Variants in RAB3IP observed in about 807,000 individuals in gnomAD.
RAB3IP encodes RAB3A interacting protein.
A neutral mutation model predicts 59.1 loss-of-function variants in RAB3IP; 36 were observed. That is an observed-to-expected ratio of 0.61 (90% CI 0.47 to 0.80). The LOEUF is 0.80. Ranked by LOEUF, RAB3IP falls within the 30% of genes least tolerant of loss-of-function variation. RAB3IP has a pLI of 0.00. For synonymous variants in RAB3IP, 207 were observed against 191.2 expected (o/e 1.08, Z -0.68); for missense variants, 511 against 536.0 (o/e 0.95, Z 0.46).
intron 5 of RAB3IP, 81 bp from the exon 6 acceptor site, chr12:69,795,057 GTGT>G: frequency 1.1e-6 from 1 of 936,328 alleles, no homozygotes; most frequent in Non-Finnish European, 1.6e-6. Context: ...ATCTTTGAAA[GTGT>G]TTTGACCAGA....
intron 1 of RAB3IP, among the ~76,000 whole-genome samples, chr12:69,743,565 C>T (rs1887550894): frequency 6.6e-6 from 1 of 152,112 alleles, no homozygotes; most frequent in Non-Finnish European, 1.5e-5. Flanking sequence ...TTGATTTTCT[C>T]AAATGTAGGC....
intron 4 of RAB3IP, among the ~76,000 whole-genome samples, chr12:69,787,867 T>C (rs1875953468): frequency 6.6e-6 from 1 of 152,290 alleles, no homozygotes; most frequent in East Asian, 1.9e-4. Flanking sequence ...TATGAACATA[T>C]ATGTGTATTT....
At chr12:69,791,647 AT>A (rs1475392393) in intron 4 of RAB3IP, among the ~76,000 whole-genome samples, 1 of 152,212 alleles carries the variant, frequency 6.6e-6, no homozygotes, top group African/African-American at 2.4e-5. Flanking sequence ...AATGGCTATT[AT>A]CAAAATACAA....
rs1309713876 is a variant in RAB3IP, at chr12:69,800,247, G to A, written c.927G>A (p.Lys309=). The A allele has an allele frequency of 1.3e-6, 2 of 1,577,232 alleles. No homozygotes were observed. Among genetic ancestry groups the A allele is most frequent in the Non-Finnish European group, 1.7e-6 (2 of 1,164,624 alleles). ...LSLYNEFRLW[K]DEPTMDRTCP... is the part of the protein sequence containing the mutation. ...TGTATAATGAATTCCGATTGTGGAA[G>A]GATGAGCCCACAATGGACAGGACGT... The change falls in exon 7 of 11, where the codon AAG becomes AAA. Residue 309 remains lysine, a synonymous_variant. Coordinates refer to ENST00000247833, the MANE Select transcript of RAB3IP (RefSeq NM_022456.5).
intron 8 of RAB3IP, among the ~76,000 whole-genome samples, chr12:69,807,082 G>A (rs1030334676): frequency 3.3e-5 from 5 of 152,132 alleles, no homozygotes; most frequent in East Asian, 3.9e-4. Flanking sequence ...TGTTCTCGAC[G>A]GTCGCTGTCT....
intron 6 of RAB3IP, among the ~76,000 whole-genome samples, chr12:69,797,778 G>T (rs1390622229): frequency 8.6e-5 from 13 of 151,534 alleles, no homozygotes; most frequent in Non-Finnish European, 1.3e-4. Flanking sequence ...ATGGTGTTTG[G>T]TTTTTTGTTC....
rs528027349 is a variant in RAB3IP at position 69,753,899 on chromosome 12, G to T, written c.-25-1485G>T. Among the ~76,000 whole-genome samples the T allele has an allele frequency of 9.9e-5, 15 of 152,264 alleles. No homozygotes were observed. The East Asian group carries it at 2.5e-3, about 26-fold the overall frequency. On this transcript the variant is annotated intron_variant, in intron 1 of 10. Coordinates refer to ENST00000247833, the MANE Select transcript of RAB3IP (RefSeq NM_022456.5). ...TCAAGTTAGTTTCCATGTAAACTTT[G>T]TGATATAATTGAATAGTTACATGAA...
At chr12:69,805,223 A>G (rs967202005) in intron 8 of RAB3IP, among the ~76,000 whole-genome samples, 34 of 152,078 alleles carry the variant, frequency 2.2e-4, no homozygotes, top group African/African-American at 4.8e-4. Flanking sequence ...TCCCTTGTAA[A>G]TTGGATTCCT....
chr12:69,757,667 C>T (rs1453271894), intron 3 of RAB3IP, among the ~76,000 whole-genome samples: 3 of 152,188 alleles, frequency 2.0e-5, no homozygotes, highest in Non-Finnish European at 2.9e-5. Context: ...TGTATTCCCA[C>T]TCTTTCCCTA....
intron 3 of RAB3IP, among the ~76,000 whole-genome samples, chr12:69,762,670 T>C (rs920380433): frequency 7.4e-6 from 1 of 134,374 alleles, no homozygotes; most frequent in Non-Finnish European, 1.5e-5. Flanking sequence ...GGCAGGAGAC[T>C]GGCGTGAACC....
Position 69,795,271 on chromosome 12 carries a change from G to A in RAB3IP, c.815G>A (p.Ser272Asn). ...AAAAAGGGGCATACAAGAAATAAAA[G>A]CACAAGCAGTGCTATGAGTGGCAGT... is the stretch of plus-strand genomic sequence containing the variant. ...PFKKGHTRNKSTSSAMSGSHQ... is the reference protein window; with the variant it reads ...PFKKGHTRNKNTSSAMSGSHQ... The change falls in exon 6 of 11, where the codon AGC (serine) becomes AAC (asparagine). Residue 272 changes from serine (S) to asparagine (N), a missense_variant. Transcript: ENST00000247833. 1 of 1,614,074 alleles carries A rather than the reference G, an allele frequency of 6.2e-7. No homozygotes were observed. Among genetic ancestry groups the A allele is most frequent in the Non-Finnish European group, 8.5e-7 (1 of 1,179,982 alleles).
intron 10 of RAB3IP, among the ~76,000 whole-genome samples, chr12:69,814,657 G>T (rs1880920120): frequency 6.6e-6 from 1 of 151,836 alleles, no homozygotes; most frequent in South Asian, 2.1e-4. Context: ...GGAGTGGCCA[G>T]GGAATGAGGA....
At chr12:69,768,737 G>A (rs1244354734) in intron 3 of RAB3IP, among the ~76,000 whole-genome samples, 1 of 152,140 alleles carries the variant, frequency 6.6e-6, no homozygotes, top group Non-Finnish European at 1.5e-5. Flanking sequence ...CTGTGACAGG[G>A]AAGAGTACAA....
intron 3 of RAB3IP, among the ~76,000 whole-genome samples, chr12:69,769,449 C>T (rs1592509241): frequency 6.6e-6 from 1 of 152,222 alleles, no homozygotes; most frequent in Non-Finnish European, 1.5e-5. Flanking sequence ...CTGCCTCTCT[C>T]ACCTACTGGG....
In RAB3IP at chr12:69,794,433, T is replaced by C; in HGVS notation, c.607-4T>C. The C allele has an allele frequency of 6.2e-7, 1 of 1,607,698 alleles. No individual in the cohort carries two copies. Among genetic ancestry groups the C allele is most frequent in the Non-Finnish European group, 8.5e-7 (1 of 1,177,508 alleles). ...TCTAAAATTTGAGATGTTAACTTTT[T>C]CAGGAAGCTCATAAAATGGTGAGAG... is the stretch of plus-strand genomic sequence containing the variant. On this transcript the variant is annotated splice_polypyrimidine_tract_variant and splice_region_variant and intron_variant, in intron 4 of 10. Coordinates refer to ENST00000247833, the MANE Select transcript of RAB3IP (RefSeq NM_022456.5).
intron 1 of RAB3IP, among the ~76,000 whole-genome samples, chr12:69,747,362 G>C (rs1432588899): frequency 3.3e-5 from 5 of 150,952 alleles, no homozygotes; most frequent in Non-Finnish European, 5.9e-5. Flanking sequence ...ATCTTTCTCT[G>C]TTGCTCAGGC....
rs746734845 is a variant in RAB3IP at position 69,755,652 on chromosome 12, A to C, written c.244A>C (p.Ser82Arg). 1.2e-6 allele frequency: 2 copies of C among 1,609,216 alleles called. No homozygotes were observed. The highest frequency in any genetic ancestry group is 4.5e-5 in the East Asian group (2 of 44,816). The change falls in exon 2 of 11, where the codon AGT becomes CGT. Residue 82 changes from serine to arginine, a missense_variant. Transcript: ENST00000247833. ...PRRLNCAEIS[S>R]ISFHVTDPAP... ...ACGTTTAAATTGTGCGGAAATATCTAGTATCAGGTAGGAAATAAGTAAATC... is the reference window on the plus strand; with the variant it reads ...ACGTTTAAATTGTGCGGAAATATCTCGTATCAGGTAGGAAATAAGTAAATC...
intron 1 of RAB3IP, among the ~76,000 whole-genome samples, chr12:69,741,392 C>G (rs925814273): frequency 6.6e-6 from 1 of 152,208 alleles, no homozygotes; most frequent in East Asian, 1.9e-4. Context: ...CAAAATGGAA[C>G]GTAGTGCTTT....
Position 69,812,984 on chromosome 12 carries a change from T to C in RAB3IP, c.1251T>C (p.Phe417=). The change falls in exon 10 of 11, where the codon TTT becomes TTC. Residue 417 remains phenylalanine, a synonymous_variant. Transcript: ENST00000247833. The stretch of plus-strand genomic sequence containing the variant: ...CCTAGATCACTTCTGTATGTAACTT[T>C]TTTACATACATTCGATACATTCAGC... The part of the protein sequence containing the change: ...CRYRITSVCN[F]FTYIRYIQQG... 6.2e-7 allele frequency: 1 copy of C among 1,613,412 alleles called. No individual in the cohort carries two copies. The highest frequency in any genetic ancestry group is 1.3e-5 in the African/African-American group (1 of 75,044).
Sources: gnomAD v4.1 joint callset for allele counts (sites outside exome capture counted in the v4.1 genomes callset) on GRCh38, gnomAD v4.1.1 for gene constraint, MANE v1.5 for transcripts, NCBI Gene and HGNC (gene_info 2026-07-23, HGNC 2026-07-21) for gene names.